Variants in SMAD3 observed in about 807,000 individuals in gnomAD.
SMAD3 encodes MAD homolog 3.
Under a neutral mutation model 51.8 loss-of-function variants are expected in SMAD3, and 12 were observed. The ratio of observed to expected loss-of-function variants is 0.23; its 90% CI spans 0.15 to 0.38. SMAD3 has a LOEUF of 0.38. Ranked by LOEUF, SMAD3 falls within the 10% of genes least tolerant of loss-of-function variation. SMAD3 has a pLI of 1.00. For missense variants in SMAD3, 294 were observed against 565.6 expected (o/e 0.52, Z 4.87); for synonymous variants, 238 against 227.7 (o/e 1.05, Z -0.41).
intron 1 of SMAD3, among the ~76,000 whole-genome samples, chr15:67,160,057 T>C (rs910754039): frequency 2.6e-5 from 4 of 152,248 alleles, no homozygotes; most frequent in Non-Finnish European, 2.9e-5. Context: ...GTTTTTTAGC[T>C]TTTTAAGAAA....
chr15:67,167,404 GGGTCCCA>G (rs1962621912), intron 4 of SMAD3, among the ~76,000 whole-genome samples: 1 of 152,146 alleles, frequency 6.6e-6, no homozygotes, highest in Non-Finnish European at 1.5e-5. Flanking sequence ...TGCCACACAG[GGGTCCCA>G]GTGTGGTGGA....
chr15:67,106,116 T>G (rs1287199321), intron 1 of SMAD3, among the ~76,000 whole-genome samples: 1 of 152,130 alleles, frequency 6.6e-6, no homozygotes, highest in Non-Finnish European at 1.5e-5. Flanking sequence ...TCAGGATGTT[T>G]CTGGCCCCGT....
chr15:67,089,980 C>T (rs901427501), intron 1 of SMAD3, among the ~76,000 whole-genome samples: 4 of 152,192 alleles, frequency 2.6e-5, no homozygotes, highest in Non-Finnish European at 5.9e-5. Flanking sequence ...GCTGCCCTCA[C>T]CTCTGAAGCC....
chr15:67,182,528 C>G lies in SMAD3; in HGVS notation c.871+1075C>G, dbSNP rs144913634. ...GTTAGCAAAGGGAAGCCTGGTCCCACGTGAACCAGGGCACCTCTGCACTCG... is the reference window on the plus strand; with the variant it reads ...GTTAGCAAAGGGAAGCCTGGTCCCAGGTGAACCAGGGCACCTCTGCACTCG... On this transcript the variant is annotated intron_variant, in intron 6 of 8. Transcript: ENST00000327367. 4.6e-5 allele frequency among the ~76,000 whole-genome samples: 7 copies of G among 152,244 alleles called. No homozygotes were observed. The South Asian group carries it at 1.0e-3, about 23-fold the overall frequency.
chr15:67,171,056 G>A (rs1962738460), intron 5 of SMAD3, among the ~76,000 whole-genome samples: 3 of 152,134 alleles, frequency 2.0e-5, no homozygotes, highest in East Asian at 1.9e-4. Context: ...CAACATATAC[G>A]GAATTTGAAA....
At chr15:67,125,788 G>A in intron 1 of SMAD3, 3 of 985,558 alleles carry the variant, frequency 3.0e-6, no homozygotes, top group African/African-American at 3.5e-5. Context: ...GCTGGGGTTA[G>A]GTCACTGCTG....
chr15:67,098,992 A>G, intron 1 of SMAD3: 1 of 702,400 alleles, frequency 1.4e-6, no homozygotes, highest in Non-Finnish European at 2.6e-6. Flanking sequence ...CAAACTGTGG[A>G]CAGAGCGTAT....
rs57749736 is a variant in SMAD3 at position 67,183,031 on chromosome 15, A to ATTTTTTTTTTTTTTT, written c.871+1584_871+1598dup. Among the ~76,000 whole-genome samples, 4 of 29,702 alleles carry ATTTTTTTTTTTTTTT rather than the reference A, an allele frequency of 1.3e-4. No individual in the cohort carries two copies. The Admixed American group carries it at 2.3e-3, about 17-fold the overall frequency. 19.5% of individuals were successfully genotyped at this position (29,702 alleles called of 152,430 possible). ...TATATATATATATATATATATATAT[A>ATTTTTTTTTTTTTTT]TTTTTTTTTTTTTTTTTTTTGGAGC... On this transcript the variant is annotated intron_variant, in intron 6 of 8. Transcript: ENST00000327367.
intron 5 of SMAD3, among the ~76,000 whole-genome samples, chr15:67,178,784 A>AGACGTGGCT: frequency 6.6e-6 from 1 of 152,310 alleles, no homozygotes; most frequent in South Asian, 2.1e-4. Flanking sequence ...AGCCAGAGCC[A>AGACGTGGCT]GACGTGGCTG....
At chr15:67,156,440 A>G (rs1194212024) in intron 1 of SMAD3, among the ~76,000 whole-genome samples, 3 of 152,218 alleles carry the variant, frequency 2.0e-5, no homozygotes, top group African/African-American at 7.2e-5. Context: ...ATCTGGGCAT[A>G]GGGGTATGCC....
chr15:67,128,342 A>G (rs1545161), intron 1 of SMAD3, among the ~76,000 whole-genome samples: 53,837 of 151,860 alleles, frequency 0.35, 10,296 homozygotes, highest in Non-Finnish European at 0.45. Context: ...AAGAACAGCT[A>G]GGTTCAGATC....
At chr15:67,187,627 C>T in intron 8 of SMAD3, 118 bp downstream of exon 8, 1 of 1,341,214 alleles carries the variant, frequency 7.5e-7, no homozygotes, top group South Asian at 1.2e-5. Flanking sequence ...AGCAGAAAGA[C>T]CAAAGATCAG....
At chr15:67,077,278 G>T (rs995274526) in intron 1 of SMAD3, among the ~76,000 whole-genome samples, 2 of 152,048 alleles carry the variant, frequency 1.3e-5, no homozygotes, top group African/African-American at 4.8e-5. Context: ...TGTAGCATCC[G>T]CTCAGTTGCG....
intron 1 of SMAD3, among the ~76,000 whole-genome samples, chr15:67,067,715 A>G (rs1279633784): frequency 6.6e-6 from 1 of 152,084 alleles, no homozygotes; most frequent in Admixed American, 6.5e-5. Flanking sequence ...AATTTTTTTT[A>G]ACTGGGTGGA....
chr15:67,075,013 A>G (rs1468279188), intron 1 of SMAD3, among the ~76,000 whole-genome samples: 9 of 150,336 alleles, frequency 6.0e-5, no homozygotes, highest in Admixed American at 2.0e-4. Context: ...CTGAGGTGTC[A>G]CCATTTTTTT....
intron 3 of SMAD3, chr15:67,166,327 C>A (rs1430196524): frequency 3.5e-6 from 1 of 286,434 alleles, no homozygotes; most frequent in South Asian, 6.2e-5. Context: ...AGTGAGGACA[C>A]GTCCCTTAGA....
chr15:67,098,549 G>A (rs1311298194), intron 1 of SMAD3: 2 of 346,488 alleles, frequency 5.8e-6, no homozygotes, highest in Non-Finnish European at 1.1e-5. Context: ...CCTCAGCCCC[G>A]GTAGCCTGTC....
At chr15:67,179,984 G>A (rs1469056972) in intron 5 of SMAD3, among the ~76,000 whole-genome samples, 6 of 152,274 alleles carry the variant, frequency 3.9e-5, no homozygotes, top group East Asian at 3.9e-4. Flanking sequence ...GCGTCGCTTC[G>A]GGTATATTTA....
intron 1 of SMAD3, among the ~76,000 whole-genome samples, chr15:67,102,259 T>TGTGTGTGTGTGTGTGTGCG (rs1960776583): frequency 1.3e-5 from 2 of 151,356 alleles, no homozygotes; most frequent in Non-Finnish European, 2.9e-5. Context: ...TGTGTGTGTG[T>TGTGTGTGTGTGTGTGTGCG]GTGTGTGTGC....
Sources: allele counts gnomAD v4.1 joint callset (sites outside exome capture counted in the v4.1 genomes callset), GRCh38; gene constraint gnomAD v4.1.1; transcripts MANE v1.5; gene names NCBI Gene and HGNC (gene_info 2026-07-23, HGNC 2026-07-21).